Variants in CDK6 observed in about 807,000 individuals in gnomAD.
CDK6 encodes the protein cyclin dependent kinase 6.
In CDK6, 6 loss-of-function variants were observed where a neutral mutation model predicts 37.1. The observed-to-expected ratio is 0.16, with a 90% CI of 0.09 to 0.32. CDK6 has a LOEUF of 0.32. CDK6 is among the 10% of genes least tolerant of loss of function. The pLI, the probability that CDK6 is intolerant of heterozygous loss-of-function variation, is 1.00. For synonymous variants in CDK6, 160 were observed against 161.3 expected (o/e 0.99, Z 0.06); for missense variants, 224 against 418.9 (o/e 0.53, Z 4.06).
chr7:92,814,744 T>C (rs1427982550), intron 2 of CDK6, among the ~76,000 whole-genome samples: 1 of 151,920 alleles, frequency 6.6e-6, no homozygotes, highest in Non-Finnish European at 1.5e-5. Flanking sequence ...TTTAGTAAAT[T>C]TGCTGGGTGA....
intron 5 of CDK6, among the ~76,000 whole-genome samples, chr7:92,669,216 T>C (rs146988749): frequency 6.6e-6 from 1 of 152,172 alleles, no homozygotes; most frequent in African/African-American, 2.4e-5. Flanking sequence ...ATTAGCACAA[T>C]GGGTGTTTTG....
At chr7:92,638,042 T>C (rs143036436) in intron 5 of CDK6, among the ~76,000 whole-genome samples, 1 of 152,344 alleles carries the variant, frequency 6.6e-6, no homozygotes, top group African/African-American at 2.4e-5. Flanking sequence ...ATTGTATGCA[T>C]TGCTCATAAA....
chr7:92,778,946 T>TATATATATATATATATATATATA (rs1479181745), intron 2 of CDK6, among the ~76,000 whole-genome samples: 7 of 135,012 alleles, frequency 5.2e-5, no homozygotes, highest in African/African-American at 9.0e-5. Flanking sequence ...TATATATATA[T>TATATATATATATATATATATATA]AAGATATTAT....
At chr7:92,771,023 G>C (rs1045208515) in intron 3 of CDK6, among the ~76,000 whole-genome samples, 1 of 151,960 alleles carries the variant, frequency 6.6e-6, no homozygotes, top group African/African-American at 2.4e-5. Flanking sequence ...CGGATCTCGA[G>C]GTCAGTAGTT....
intron 2 of CDK6, among the ~76,000 whole-genome samples, chr7:92,814,998 C>A (rs1800989188): frequency 2.6e-5 from 4 of 152,110 alleles, no homozygotes. Flanking sequence ...AGAAGGGAGG[C>A]CACTGCCCTA....
intron 2 of CDK6, among the ~76,000 whole-genome samples, chr7:92,821,464 T>A (rs529595555): frequency 1.3e-5 from 2 of 152,244 alleles, no homozygotes; most frequent in South Asian, 4.1e-4. Context: ...AGTAATTTAC[T>A]ACAAGCAATA....
chr7:92,818,997 A>G (rs889172023), intron 2 of CDK6, among the ~76,000 whole-genome samples: 2 of 152,048 alleles, frequency 1.3e-5, no homozygotes, highest in African/African-American at 2.4e-5. Flanking sequence ...CAGTTTGGAG[A>G]AGTTTGACAA....
intron 2 of CDK6, among the ~76,000 whole-genome samples, chr7:92,822,518 A>T (rs1801199235): frequency 6.6e-6 from 1 of 152,108 alleles, no homozygotes; most frequent in South Asian, 2.1e-4. Flanking sequence ...TGGCTTAACT[A>T]TTTATTCACT....
At chr7:92,637,669 A>T (rs1167613282) in intron 5 of CDK6, among the ~76,000 whole-genome samples, 1 of 152,184 alleles carries the variant, frequency 6.6e-6, no homozygotes, top group Non-Finnish European at 1.5e-5. Flanking sequence ...TACTCCTAAT[A>T]ACACTCTGCT....
chr7:92,755,880 T>C (rs557852174), intron 3 of CDK6, among the ~76,000 whole-genome samples: 18 of 151,982 alleles, frequency 1.2e-4, no homozygotes, highest in Non-Finnish European at 2.4e-4. Context: ...AGCTGCCCGG[T>C]TTAAAAATTC....
intron 2 of CDK6, among the ~76,000 whole-genome samples, chr7:92,807,322 T>C (rs1368911174): frequency 6.6e-6 from 1 of 152,118 alleles, no homozygotes. Context: ...GAGATATCTA[T>C]ATCTAGATAG....
At chr7:92,734,909 TAC>T (rs1798748219) in intron 3 of CDK6, among the ~76,000 whole-genome samples, 1 of 152,214 alleles carries the variant, frequency 6.6e-6, no homozygotes, top group Admixed American at 6.5e-5. Context: ...CTTCCTATCT[TAC>T]CATCTCTTTC....
chr7:92,769,285 A>G (rs1030552401), intron 3 of CDK6, among the ~76,000 whole-genome samples: 6 of 152,298 alleles, frequency 3.9e-5, no homozygotes, highest in Non-Finnish European at 7.4e-5. Flanking sequence ...ACAGACATGA[A>G]CCTGGAGCTT....
Position 92,613,422 on chromosome 7 carries a change from A to C in CDK6, c.*1718T>G. ...TGAGTCAGAAAGCACAGGTGGCTAA[A>C]CTTTCCAAAAGATACTTTCTGTGTC... is the stretch of plus-strand genomic sequence containing the variant. On this transcript the variant is annotated 3_prime_UTR_variant, in exon 8 of 8. Coordinates refer to ENST00000424848, the MANE Select transcript of CDK6 (RefSeq NM_001145306.2). 1 of 233,742 alleles carries C rather than the reference A, an allele frequency of 4.3e-6. No individual in the cohort carries two copies. The allele number at this position is 233,742 out of a possible 1,614,324, so 14.5% of individuals were successfully genotyped here.
At chr7:92,693,682 ATCTT>A (rs1797646158) in intron 4 of CDK6, among the ~76,000 whole-genome samples, 1 of 152,194 alleles carries the variant, frequency 6.6e-6, no homozygotes, top group Non-Finnish European at 1.5e-5. Flanking sequence ...TTTACAGTCA[ATCTT>A]TCTTTTCCAG....
At chr7:92,703,962 G>C (rs1797911201) in intron 4 of CDK6, among the ~76,000 whole-genome samples, 1 of 152,026 alleles carries the variant, frequency 6.6e-6, no homozygotes, top group Non-Finnish European at 1.5e-5. Flanking sequence ...TACTTACTCT[G>C]CCTCAGCTGC....
chr7:92,779,355 A>G (rs1299217765), intron 2 of CDK6, among the ~76,000 whole-genome samples: 3 of 152,200 alleles, frequency 2.0e-5, no homozygotes, highest in African/African-American at 7.2e-5. Context: ...ACTCATTTCA[A>G]TCGGTAGTTT....
chr7:92,702,220 CTTTTTTTTT>C lies in CDK6; in HGVS notation c.537+23397_537+23405del, dbSNP rs3066453. On this transcript the variant is annotated intron_variant, in intron 4 of 7. Transcript: ENST00000424848. ...AATATGTTGCATTATCAAGTATATT[CTTTTTTTTT>C]TTTTTTTTTTTTTTTTTTTTTGAGA... 5.6e-3 allele frequency among the ~76,000 whole-genome samples: 252 copies of C among 44,914 alleles called. 1 individual carries two copies. Among genetic ancestry groups the C allele is most frequent in the South Asian group, 0.048 (47 of 988 alleles). The allele number at this position is 44,914 out of a possible 152,430, so 29.5% of individuals were successfully genotyped here.
intron 3 of CDK6, among the ~76,000 whole-genome samples, chr7:92,759,978 C>T (rs992270793): frequency 6.6e-6 from 1 of 152,122 alleles, no homozygotes; most frequent in African/African-American, 2.4e-5. Context: ...ACCAATTCAG[C>T]ATTCATAATA....
Sources: gnomAD v4.1 joint callset for allele counts (sites outside exome capture counted in the v4.1 genomes callset) on GRCh38, gnomAD v4.1.1 for gene constraint, MANE v1.5 for transcripts, NCBI Gene and HGNC (gene_info 2026-07-23, HGNC 2026-07-21) for gene names.